ANKRD13C: variants seen among roughly 807,000 people sequenced by gnomAD.
ANKRD13C encodes the protein ankyrin repeat domain-containing protein 13C.
Under a neutral mutation model 65.5 loss-of-function variants are expected in ANKRD13C, and 16 were observed. The observed-to-expected ratio is 0.24, with a 90% CI of 0.17 to 0.37. The LOEUF (loss-of-function observed/expected upper bound fraction) is 0.37. Ranked by LOEUF, ANKRD13C falls within the 10% of genes least tolerant of loss-of-function variation. The pLI is 1.00. For synonymous variants in ANKRD13C, 235 were observed against 238.7 expected, an observed-to-expected ratio of 0.98 and a Z score of 0.14; for missense variants, 503 against 655.9, an observed-to-expected ratio of 0.77 and a Z score of 2.55.
In ANKRD13C at chr1:70,354,257, T is replaced by C. The variant is rs1428561755; in HGVS notation, c.152A>G (p.His51Arg). The C allele has an allele frequency of 6.2e-7, 1 of 1,613,512 alleles. No individual in the cohort carries two copies. Among genetic ancestry groups the C allele is most frequent in the East Asian group, 2.2e-5 (1 of 44,882 alleles). The change falls in exon 1 of 13, where the codon CAT becomes CGT. Residue 51 changes from histidine (H) to arginine (R), a missense_variant. His to Arg is a conservative substitution (Grantham distance 29, BLOSUM62 0). This residue lies in a region of ANKRD13C where 203 missense variants were observed against 177.6 expected (regional missense o/e 1.14). Coordinates refer to ENST00000370944, the MANE Select transcript of ANKRD13C (RefSeq NM_030816.5). Reference sequence around the variant, plus strand: ...GTGGTGATGGTTACTGAAGATCTTATGACAAGCTTTGCCGCCCTTGCCAAT... The same window carrying C: ...GTGGTGATGGTTACTGAAGATCTTACGACAAGCTTTGCCGCCCTTGCCAAT... ...SRIGKGGKAC[H>R]KIFSNHHHRL... is the part of the protein sequence containing the mutation.
intron 8 of ANKRD13C, among the ~76,000 whole-genome samples, chr1:70,294,892 T>C (rs1202206229): frequency 6.6e-6 from 1 of 152,158 alleles, no homozygotes; most frequent in African/African-American, 2.4e-5. Context: ...CTTTACTAAA[T>C]TTCCAGCCTG....
Position 70,324,859 on chromosome 1 carries a change from G to T in ANKRD13C, c.571C>A (p.Gln191Lys). ...AGTAATTCATATTGCTTACTCATCT[G>T]CCTATCTCCATAGCTGATGGCTTCC... ...LAEAISYGDR[Q>K]MITALLRKLK... is the part of the protein sequence containing the mutation. The change falls in exon 3 of 13, where the codon CAG becomes AAG. Residue 191 changes from glutamine to lysine, a missense_variant. This residue lies in a region of ANKRD13C where 300 missense variants were observed against 478.3 expected (regional missense o/e 0.63). Transcript: ENST00000370944. 6.2e-7 allele frequency: 1 copy of T among 1,603,964 alleles called. No homozygotes were observed. Among genetic ancestry groups the T allele is most frequent in the Non-Finnish European group, 8.5e-7 (1 of 1,173,810 alleles).
At chr1:70,269,824 C>T (rs1678799131) in intron 12 of ANKRD13C, among the ~76,000 whole-genome samples, 1 of 150,208 alleles carries the variant, frequency 6.7e-6, no homozygotes, top group Non-Finnish European at 1.5e-5. Flanking sequence ...GCAATGAAAA[C>T]ATTTTGGCCT....
At chr1:70,296,951 T>A (rs914934413) in intron 7 of ANKRD13C, among the ~76,000 whole-genome samples, 37 of 152,202 alleles carry the variant, frequency 2.4e-4, no homozygotes, top group Admixed American at 4.6e-4. Context: ...ATATAATAAT[T>A]GAGCAATAAT....
intron 2 of ANKRD13C, among the ~76,000 whole-genome samples, chr1:70,330,968 A>G (rs1681769926): frequency 6.6e-6 from 1 of 152,224 alleles, no homozygotes; most frequent in Non-Finnish European, 1.5e-5. Context: ...TACTAATATT[A>G]GTCAATGGAC....
intron 3 of ANKRD13C, among the ~76,000 whole-genome samples, chr1:70,323,046 A>G (rs1033400718): frequency 3.3e-5 from 5 of 152,184 alleles, no homozygotes; most frequent in Admixed American, 1.3e-4. Context: ...ACAGAAACCC[A>G]GAAGACAATC....
chr1:70,297,627 C>T (rs961245268), intron 7 of ANKRD13C, among the ~76,000 whole-genome samples: 10 of 148,728 alleles, frequency 6.7e-5, no homozygotes, highest in Admixed American at 2.7e-4. Flanking sequence ...AAAACAATAC[C>T]ATTGGCGACC....
intron 1 of ANKRD13C, among the ~76,000 whole-genome samples, chr1:70,341,186 A>G (rs1174217069): frequency 6.6e-6 from 1 of 151,914 alleles, no homozygotes; most frequent in Non-Finnish European, 1.5e-5. Context: ...ATATTTTTCA[A>G]TCCTCTCACT....
chr1:70,315,123 A>AAAAC lies in ANKRD13C; in HGVS notation c.663+354_663+357dup, dbSNP rs1320066424. The stretch of plus-strand genomic sequence containing the variant: ...GGCGACAGAGTGAGGCGCTGTCTCC[A>AAAAC]AAACAAACAAACAAAAAAAACTGCC... On this transcript the variant is annotated intron_variant, in intron 4 of 12. Coordinates refer to ENST00000370944, the MANE Select transcript of ANKRD13C (RefSeq NM_030816.5). Among the ~76,000 whole-genome samples, 3 of 152,246 alleles carry AAAAC rather than the reference A, an allele frequency of 2.0e-5. No individual in the cohort carries two copies. The East Asian group carries it at 5.8e-4, about 29-fold the overall frequency.
In ANKRD13C at chr1:70,260,279, T is replaced by C. The variant is rs1352891415; in HGVS notation, c.*2438A>G. 6.6e-6 allele frequency among the ~76,000 whole-genome samples: 1 copy of C among 152,152 alleles called. No individual in the cohort carries two copies. The highest frequency in any genetic ancestry group is 1.9e-4 in the East Asian group (1 of 5,198). On this transcript the variant is annotated 3_prime_UTR_variant, in exon 13 of 13. Transcript: ENST00000370944. Reference sequence around the variant, plus strand: ...TATGTGAATATCTACAGAGGGCAAATTGTCTCATCAGAGAATTATTTTCTC... The same window carrying C: ...TATGTGAATATCTACAGAGGGCAAACTGTCTCATCAGAGAATTATTTTCTC...
At chr1:70,291,722 G>A (rs1057116246) in intron 9 of ANKRD13C, among the ~76,000 whole-genome samples, 9 of 151,996 alleles carry the variant, frequency 5.9e-5, no homozygotes, top group African/African-American at 1.7e-4. Context: ...CAGAAGAATC[G>A]CTTGAACCTG....
At position 70,354,694 on chromosome 1, in the gene ANKRD13C, A is replaced by T; in HGVS notation, c.-286T>A. ...CCGCCGTCGCTGCCTTACACCGAAAAACAGGGCACGGCCATCTTCCTCTTG... is the reference window on the plus strand; with the variant it reads ...CCGCCGTCGCTGCCTTACACCGAAATACAGGGCACGGCCATCTTCCTCTTG... On this transcript the variant is annotated 5_prime_UTR_variant, in exon 1 of 13. Transcript: ENST00000370944. 2 of 759,154 alleles carry T rather than the reference A, an allele frequency of 2.6e-6. No homozygotes were observed. The highest frequency in any genetic ancestry group is 4.1e-6 in the Non-Finnish European group (2 of 484,524). 47.0% of individuals were successfully genotyped at this position (759,154 alleles called of 1,614,324 possible).
chr1:70,353,011 G>A (rs1013720274), intron 1 of ANKRD13C, among the ~76,000 whole-genome samples: 3 of 152,220 alleles, frequency 2.0e-5, no homozygotes. Flanking sequence ...TCATTGATAC[G>A]TATATCATTT....
At chr1:70,324,122 T>C (rs535465614) in intron 3 of ANKRD13C, among the ~76,000 whole-genome samples, 1 of 152,298 alleles carries the variant, frequency 6.6e-6, no homozygotes, top group African/African-American at 2.4e-5. Context: ...CATTATGCAT[T>C]TCTTTAATAA....
At chr1:70,277,313 C>T (rs567426122) in intron 9 of ANKRD13C, among the ~76,000 whole-genome samples, 1 of 152,006 alleles carries the variant, frequency 6.6e-6, no homozygotes, top group Non-Finnish European at 1.5e-5. Flanking sequence ...AAAGAATTAT[C>T]CGGGCGTGAT....
chr1:70,337,016 A>G (rs573804579), intron 1 of ANKRD13C, among the ~76,000 whole-genome samples: 81 of 152,316 alleles, frequency 5.3e-4, no homozygotes, highest in Non-Finnish European at 8.4e-4. Flanking sequence ...CAATTTTACG[A>G]AAGTCATCAC....
chr1:70,324,979 AT>A, intron 2 of ANKRD13C, 22 bp from the exon 3 acceptor site: 1 of 1,522,710 alleles, frequency 6.6e-7, no homozygotes, highest in Non-Finnish European at 9.0e-7. Flanking sequence ...AGTAGTAATA[AT>A]ATCAAACATC....
chr1:70,301,736 C>G (rs981605293), intron 6 of ANKRD13C, among the ~76,000 whole-genome samples: 2 of 152,180 alleles, frequency 1.3e-5, no homozygotes, highest in African/African-American at 2.4e-5. Context: ...ATGCGCTGGT[C>G]TCAAACAGTA....
At chr1:70,338,680 A>G (rs1553251797) in intron 1 of ANKRD13C, among the ~76,000 whole-genome samples, 1 of 151,978 alleles carries the variant, frequency 6.6e-6, no homozygotes, top group African/African-American at 2.4e-5. Context: ...GATTACAGGC[A>G]TGAGCCACCA....
Sources: allele counts gnomAD v4.1 joint callset (sites outside exome capture counted in the v4.1 genomes callset), GRCh38; gene constraint gnomAD v4.1.1; regional missense constraint gnomAD v4.1.1; transcripts MANE v1.5; gene names NCBI Gene and HGNC (gene_info 2026-07-23, HGNC 2026-07-21).